The following HM13 variants were observed in gnomAD, a reference collection of about 807,000 sequenced individuals.
HM13 encodes signal peptide peptidase.
Under a neutral mutation model 50.0 loss-of-function variants are expected in HM13, and 18 were observed. The ratio of observed to expected loss-of-function variants is 0.36; its 90% CI spans 0.25 to 0.53. The LOEUF is 0.53. HM13 is among the 20% of genes least tolerant of loss of function. The pLI is 0.90. For synonymous variants in HM13, 197 were observed against 232.6 expected (o/e 0.85, Z 1.39); for missense variants, 393 against 552.4 (o/e 0.71, Z 2.89).
rs537447591 is a variant in HM13 at position 31,552,998 on chromosome 20, A to G, written c.725-1748A>G. Among the ~76,000 whole-genome samples the G allele has an allele frequency of 2.0e-5, 3 of 152,078 alleles. No individual in the cohort carries two copies. In the South Asian group the frequency reaches 6.2e-4, roughly 32 times the overall value. On this transcript the variant is annotated intron_variant, in intron 7 of 12. Coordinates refer to ENST00000398174, the MANE Select transcript of HM13 (RefSeq NM_178581.3). Reference sequence around the variant, plus strand: ...TCAAATATATATGTATATATGTATAAAGAAATAAAAATTAAATGGCCAGGC... The same window carrying G: ...TCAAATATATATGTATATATGTATAGAGAAATAAAAATTAAATGGCCAGGC...
At chr20:31,565,324 C>G (rs1484193461) in intron 10 of HM13, among the ~76,000 whole-genome samples, 1 of 145,554 alleles carries the variant, frequency 6.9e-6, no homozygotes. Flanking sequence ...AGTAAAAATA[C>G]AAAAATTAGC....
chr20:31,519,311 G>A lies in HM13; in HGVS notation c.183+4577G>A, dbSNP rs185129018. 4.6e-3 allele frequency among the ~76,000 whole-genome samples: 698 copies of A among 152,326 alleles called. 6 individuals are homozygous for A. Among genetic ancestry groups the A allele is most frequent in the African/African-American group, 0.016 (681 of 41,580 alleles). Reference sequence around the variant, plus strand: ...AGATGGGGTTTCACCAGGTTGTCCAGGCTGGTCCTGAACTCCTGACCTCAG... The same window carrying A: ...AGATGGGGTTTCACCAGGTTGTCCAAGCTGGTCCTGAACTCCTGACCTCAG... On this transcript the variant is annotated intron_variant, in intron 1 of 12. Transcript: ENST00000398174.
chr20:31,551,268 C>T (rs1257506256), intron 7 of HM13, among the ~76,000 whole-genome samples: 1 of 152,086 alleles, frequency 6.6e-6, no homozygotes, highest in Non-Finnish European at 1.5e-5. Context: ...GTTAATGACC[C>T]TCTCTTCACC....
At chr20:31,545,582 T>C (rs1259740914) in intron 4 of HM13, among the ~76,000 whole-genome samples, 3 of 152,104 alleles carry the variant, frequency 2.0e-5, no homozygotes, top group Non-Finnish European at 4.4e-5. Flanking sequence ...CTAGGCAACA[T>C]AGTGAGACCT....
chr20:31,566,703 G>A (rs1346478492), intron 11 of HM13, among the ~76,000 whole-genome samples: 2 of 152,098 alleles, frequency 1.3e-5, no homozygotes, highest in African/African-American at 2.4e-5. Context: ...ATGCCCTAGT[G>A]TGGTAGAAAG....
chr20:31,559,039 C>T (rs1984465976), intron 8 of HM13, among the ~76,000 whole-genome samples: 1 of 152,204 alleles, frequency 6.6e-6, no homozygotes, highest in Admixed American at 6.5e-5. Context: ...GTGCCTCAGC[C>T]TCCCGAGTAG....
At chr20:31,523,077 G>A (rs1982273347) in intron 1 of HM13, among the ~76,000 whole-genome samples, 1 of 148,440 alleles carries the variant, frequency 6.7e-6, no homozygotes. Context: ...ATGAGACAGA[G>A]TCTCGCTCTG....
At chr20:31,522,522 T>C (rs900291195) in intron 1 of HM13, among the ~76,000 whole-genome samples, 12 of 146,056 alleles carry the variant, frequency 8.2e-5, no homozygotes. Context: ...CTCCAGCCTG[T>C]GCAAAAAGAG....
At chr20:31,531,501 A>T (rs1982813893) in intron 2 of HM13, among the ~76,000 whole-genome samples, 1 of 151,870 alleles carries the variant, frequency 6.6e-6, no homozygotes, top group African/African-American at 2.4e-5. Context: ...AGCTCAGATG[A>T]TCCTCCCGTC....
intron 11 of HM13, among the ~76,000 whole-genome samples, chr20:31,566,755 C>T (rs1404432321): frequency 6.6e-6 from 1 of 152,042 alleles, no homozygotes; most frequent in Non-Finnish European, 1.5e-5. Context: ...GTTCATTCAC[C>T]TCTGTGGCTT....
At chr20:31,558,595 C>T (rs987708959) in intron 8 of HM13, among the ~76,000 whole-genome samples, 1 of 152,092 alleles carries the variant, frequency 6.6e-6, no homozygotes, top group Non-Finnish European at 1.5e-5. Context: ...CTTCTTTCCC[C>T]TCCTTCACCC....
chr20:31,524,106 G>C (rs1982343155), intron 1 of HM13, among the ~76,000 whole-genome samples: 1 of 152,180 alleles, frequency 6.6e-6, no homozygotes, highest in African/African-American at 2.4e-5. Flanking sequence ...TGGGTGTGGT[G>C]GTTCACGCCT....
At chr20:31,548,103 T>C in intron 4 of HM13, 1 of 1,145,328 alleles carries the variant, frequency 8.7e-7, no homozygotes, top group Non-Finnish European at 1.3e-6. Context: ...TTGTGTCGTA[T>C]GTGTGTTTGT....
rs751571084 is a variant in HM13, at chr20:31,538,249, C to A, written c.353C>A (p.Ser118Tyr). 2 of 1,614,134 alleles carry A rather than the reference C, an allele frequency of 1.2e-6. No individual in the cohort carries two copies. Among genetic ancestry groups the A allele is most frequent in the Non-Finnish European group, 1.7e-6 (2 of 1,180,010 alleles). ...YFFVLGILAL[S>Y]HTISPFMNKF... ...TTCGTGCTGGGAATCCTGGCCCTGT[C>A]CCACACCATCAGGTCAGAAGGCATC... Residue 118 changes from serine (S) to tyrosine (Y), a missense_variant, in exon 3 of 13, where the codon TCC becomes TAC. By Grantham distance (144) the Ser-to-Tyr change is moderately radical. Transcript: ENST00000398174.
At chr20:31,541,928 G>A (rs1429390268) in intron 3 of HM13, among the ~76,000 whole-genome samples, 1 of 152,194 alleles carries the variant, frequency 6.6e-6, no homozygotes, top group Non-Finnish European at 1.5e-5. Flanking sequence ...GTGAGGTTTT[G>A]AGCTCAGGTC....
chr20:31,551,663 T>C (rs1984040722), intron 7 of HM13, among the ~76,000 whole-genome samples: 1 of 152,110 alleles, frequency 6.6e-6, no homozygotes, highest in African/African-American at 2.4e-5. Context: ...GAGAGGAAGA[T>C]GCTGCCGGGA....
chr20:31,519,891 G>T (rs568911494), intron 1 of HM13, among the ~76,000 whole-genome samples: 1 of 143,896 alleles, frequency 6.9e-6, no homozygotes, highest in South Asian at 2.2e-4. Flanking sequence ...TGCCCAGGCT[G>T]AGTGTGAGTG....
At position 31,527,519 on chromosome 20, in the gene HM13, G is replaced by A. The variant is rs776467412; in HGVS notation, c.219G>A (p.Arg73=). ...ASDMPETITS[R]DAARFPIIAS... is the part of the protein sequence containing the mutation. ...ACATGCCTGAAACAATCACCAGCCGGGATGCCGCCCGCTTCCCCATCATCG... is the reference window on the plus strand; with the variant it reads ...ACATGCCTGAAACAATCACCAGCCGAGATGCCGCCCGCTTCCCCATCATCG... The change falls in exon 2 of 13, where the codon CGG becomes CGA. Residue 73 remains arginine (R), a synonymous_variant. Coordinates refer to ENST00000398174, the MANE Select transcript of HM13 (RefSeq NM_178581.3). 6 of 1,613,942 alleles carry A rather than the reference G, an allele frequency of 3.7e-6. No individual in the cohort carries two copies. The highest frequency in any genetic ancestry group is 1.3e-5 in the African/African-American group (1 of 74,890).
intron 4 of HM13, among the ~76,000 whole-genome samples, chr20:31,547,014 C>T (rs948036682): frequency 6.6e-6 from 1 of 152,218 alleles, no homozygotes; most frequent in Non-Finnish European, 1.5e-5. Flanking sequence ...CCGCCATATA[C>T]AGCACTGGCC....
Sources: gnomAD v4.1 joint callset for allele counts (sites outside exome capture counted in the v4.1 genomes callset) on GRCh38, gnomAD v4.1.1 for gene constraint, MANE v1.5 for transcripts, NCBI Gene and HGNC (gene_info 2026-07-23, HGNC 2026-07-21) for gene names.